The following ZNF638 variants were observed in gnomAD, a reference collection of about 807,000 sequenced individuals.
ZNF638 encodes the protein CTCL tumor antigen se33-1.
ZNF638 carries 46 observed loss-of-function variants against 195.6 expected under a neutral mutation model. That is an observed-to-expected ratio of 0.24 (90% CI 0.19 to 0.30). The LOEUF (loss-of-function observed/expected upper bound fraction) is 0.30, where lower values mean the gene tolerates loss of function less well. Ranked by LOEUF, ZNF638 falls within the 10% of genes least tolerant of loss-of-function variation. ZNF638 has a pLI of 1.00. For missense variants in ZNF638, 2,440 were observed against 2,325.3 expected (o/e 1.05, Z -1.01); for synonymous variants, 845 against 772.0 (o/e 1.09, Z -1.57).
chr2:71,411,259 A>G (rs2080215893), intron 20 of ZNF638, among the ~76,000 whole-genome samples: 1 of 150,602 alleles, frequency 6.6e-6, no homozygotes, highest in Non-Finnish European at 1.5e-5. Context: ...CAGCCTTCCA[A>G]AGTGCTGGGA....
At chr2:71,430,461 C>A (rs1439959147) in intron 25 of ZNF638, among the ~76,000 whole-genome samples, 4 of 152,090 alleles carry the variant, frequency 2.6e-5, no homozygotes, top group Non-Finnish European at 4.4e-5. Context: ...TCCTTGCCAT[C>A]CCCTCAGGAA....
chr2:71,348,896 C>A lies in ZNF638; in HGVS notation c.-59C>A, dbSNP rs770123040. 1 of 1,614,002 alleles carries A rather than the reference C, an allele frequency of 6.2e-7. No individual in the cohort carries two copies. Among genetic ancestry groups the A allele is most frequent in the South Asian group, 1.1e-5 (1 of 91,016 alleles). ...GCGCTTCAGCAGCTGAATGCCGTTG[C>A]CTCACATGGTTCAACACCACCTTAT... On this transcript the variant is annotated 5_prime_UTR_variant, in exon 2 of 28. Transcript: ENST00000264447.
At chr2:71,417,002 C>T (rs1173815750) in intron 20 of ZNF638, among the ~76,000 whole-genome samples, 2 of 147,888 alleles carry the variant, frequency 1.4e-5, no homozygotes, top group African/African-American at 2.5e-5. Flanking sequence ...TGGTGGGCTC[C>T]ACCCAGTTCG....
intron 8 of ZNF638, among the ~76,000 whole-genome samples, chr2:71,370,268 A>G (rs763864413): frequency 2.0e-5 from 3 of 152,204 alleles, no homozygotes; most frequent in Non-Finnish European, 4.4e-5. Context: ...TCTGGTACCT[A>G]GGTCACAAAA....
At chr2:71,424,562 T>C (rs942055295) in intron 22 of ZNF638, 88 bp from the exon 23 acceptor site, 2 of 1,016,654 alleles carry the variant, frequency 2.0e-6, no homozygotes, top group Admixed American at 2.6e-5. Flanking sequence ...ATGTTTACTG[T>C]TTTTTTTTGT....
chr2:71,396,207 T>G lies in ZNF638; in HGVS notation c.2428+16T>G, dbSNP rs751244923. ...AAATCTACAGGTATGTTTTTTTAAT[T>G]AGGATTCTAGACTATTAGTTAAAAC... On this transcript the variant is annotated intron_variant, in intron 11 of 27. Transcript: ENST00000264447. The G allele has an allele frequency of 5.2e-5, 83 of 1,604,950 alleles. 1 individual carries two copies. In the South Asian group the frequency reaches 6.9e-4, roughly 13 times the overall value.
At chr2:71,333,259 A>C (rs1278955597) in intron 1 of ZNF638, among the ~76,000 whole-genome samples, 1 of 152,222 alleles carries the variant, frequency 6.6e-6, no homozygotes, top group East Asian at 1.9e-4. Flanking sequence ...ACTTCTAAAT[A>C]ATTACAGGGC....
intron 8 of ZNF638, among the ~76,000 whole-genome samples, chr2:71,372,889 G>A (rs1448341534): frequency 6.6e-6 from 1 of 152,150 alleles, no homozygotes; most frequent in Non-Finnish European, 1.5e-5. Context: ...TTCTCTGTAT[G>A]AATATACCAC....
At chr2:71,399,015 G>A (rs527362580) in intron 12 of ZNF638, among the ~76,000 whole-genome samples, 2 of 152,180 alleles carry the variant, frequency 1.3e-5, no homozygotes, top group Admixed American at 6.6e-5. Flanking sequence ...TGTAATCACA[G>A]GTTGCTCTGT....
Position 71,400,509 on chromosome 2 carries a change from A to G in ZNF638, c.2688A>G (p.Pro896=), listed in dbSNP as rs1175007376. The G allele has an allele frequency of 6.2e-7, 1 of 1,603,924 alleles. No individual in the cohort carries two copies. The highest frequency in any genetic ancestry group is 8.5e-7 in the Non-Finnish European group (1 of 1,176,494). The stretch of plus-strand genomic sequence containing the variant: ...CTTTGGAGGCCACAGAGAATGAACC[A>G]CTTAACAAGGTCAGTTTTCATGTTT... ...DAALEATENE[P]LNKETEEMCV... Residue 896 remains proline (P), a synonymous_variant, in exon 15 of 28, where the codon CCA becomes CCG. Transcript: ENST00000264447.
intron 1 of ZNF638, among the ~76,000 whole-genome samples, chr2:71,334,302 A>G (rs566841209): frequency 6.6e-6 from 1 of 152,306 alleles, no homozygotes; most frequent in East Asian, 1.9e-4. Context: ...TGCCTTATAT[A>G]CTTAGAAACA....
intron 25 of ZNF638, among the ~76,000 whole-genome samples, chr2:71,429,727 G>A (rs1041424905): frequency 1.3e-5 from 2 of 152,176 alleles, no homozygotes; most frequent in African/African-American, 4.8e-5. Context: ...TGAAAATGAT[G>A]TTGATGAAAC....
intron 1 of ZNF638, among the ~76,000 whole-genome samples, chr2:71,344,866 C>T (rs1479840331): frequency 3.3e-5 from 5 of 152,160 alleles, no homozygotes; most frequent in African/African-American, 9.7e-5. Context: ...TTAGTTAAAA[C>T]ATTTTATTTG....
chr2:71,423,774 T>C lies in ZNF638; in HGVS notation c.4260T>C (p.Ser1420=). The change falls in exon 22 of 28, where the codon TCT becomes TCC. Residue 1420 remains serine, a synonymous_variant. Transcript: ENST00000264447. ...KTENQKSFPK[S]VPRDQINAEK... ...AAAATCAGAAAAGTTTTCCAAAATC[T>C]GTGCCCAGAGATCAAATAAATGCTG... 1.2e-6 allele frequency: 2 copies of C among 1,614,066 alleles called. No individual in the cohort carries two copies. The highest frequency in any genetic ancestry group is 1.7e-6 in the Non-Finnish European group (2 of 1,180,024).
At position 71,368,499 on chromosome 2, in the gene ZNF638, G is replaced by A; in HGVS notation, c.2113G>A (p.Asp705Asn). The A allele has an allele frequency of 6.2e-7, 1 of 1,613,250 alleles. No homozygotes were observed. Among genetic ancestry groups the A allele is most frequent in the Non-Finnish European group, 8.5e-7 (1 of 1,179,692 alleles). Residue 705 changes from aspartate to asparagine, a missense_variant, in exon 7 of 28, where the codon GAT (aspartate) becomes AAT (asparagine). By Grantham distance (23) the Asp-to-Asn change is conservative (BLOSUM62 1). Transcript: ENST00000264447. ...KLFQPFGKVN[D>N]VLIVPYRKEA... ...ATTTCAACCATTTGGGAAAGTGAAT[G>A]ATGTCCTAATTGTTCCATATAGAAA...
chr2:71,431,284 G>A (rs993509417), intron 25 of ZNF638, 43 bp from the exon 26 acceptor site: 4 of 1,531,222 alleles, frequency 2.6e-6, no homozygotes, highest in East Asian at 2.3e-5. Flanking sequence ...TACAAAGTCT[G>A]TAAATCTATT....
intron 26 of ZNF638, among the ~76,000 whole-genome samples, chr2:71,432,545 A>G (rs1475792490): frequency 6.6e-6 from 1 of 152,202 alleles, no homozygotes; most frequent in East Asian, 1.9e-4. Flanking sequence ...ATGACTTGGT[A>G]TTCTGAAGGA....
chr2:71,424,561 GTTTT>G, intron 22 of ZNF638, 85 bp from the exon 23 acceptor site: 1 of 1,011,610 alleles, frequency 9.9e-7, no homozygotes, highest in East Asian at 2.5e-5. Flanking sequence ...AATGTTTACT[GTTTT>G]TTTTTGTTTT....
At chr2:71,340,164 G>T (rs1281302326) in intron 1 of ZNF638, among the ~76,000 whole-genome samples, 3 of 151,968 alleles carry the variant, frequency 2.0e-5, no homozygotes, top group South Asian at 2.1e-4. Context: ...AGTGAAATTT[G>T]GTGTTGCCCT....
Sources: allele counts gnomAD v4.1 joint callset (sites outside exome capture counted in the v4.1 genomes callset), GRCh38; gene constraint gnomAD v4.1.1; transcripts MANE v1.5; gene names NCBI Gene and HGNC (gene_info 2026-07-23, HGNC 2026-07-21).